The following PGAP1 variants were observed in gnomAD, a reference collection of about 807,000 sequenced individuals.
PGAP1 encodes GPI inositol-deacylase.
Under a neutral mutation model 127.0 loss-of-function variants are expected in PGAP1, and 76 were observed. That is an observed-to-expected ratio of 0.60 (90% CI 0.50 to 0.72). The LOEUF is 0.72. PGAP1 is among the 30% of genes least tolerant of loss of function. The probability of loss-of-function intolerance (pLI) is 0.00; values close to 1 mark genes in which losing one functional copy is unlikely to be tolerated. For synonymous variants in PGAP1, 362 were observed against 366.5 expected (o/e 0.99, Z 0.14); for missense variants, 982 against 1,071.3 (o/e 0.92, Z 1.16).
intron 20 of PGAP1, among the ~76,000 whole-genome samples, chr2:196,863,065 TA>T (rs1345994206): frequency 1.3e-5 from 2 of 151,938 alleles, no homozygotes; most frequent in African/African-American, 4.8e-5. Context: ...AGACAAAAAA[TA>T]ACAAGTGATA....
intron 10 of PGAP1, among the ~76,000 whole-genome samples, chr2:196,889,908 T>C (rs1042548513): frequency 6.8e-6 from 1 of 147,140 alleles, no homozygotes; most frequent in African/African-American, 2.5e-5. Flanking sequence ...GAAATGTAGA[T>C]AAATTATTGA....
intron 9 of PGAP1, among the ~76,000 whole-genome samples, 195 bp downstream of exon 9, chr2:196,892,151 C>T (rs1484505142): frequency 2.0e-5 from 3 of 151,554 alleles, no homozygotes; most frequent in Non-Finnish European, 2.9e-5. Flanking sequence ...ACAAACTGAA[C>T]GTCAAAGAAA....
At chr2:196,880,909 T>G (rs1293406266) in intron 12 of PGAP1, among the ~76,000 whole-genome samples, 1 of 152,178 alleles carries the variant, frequency 6.6e-6, no homozygotes, top group Non-Finnish European at 1.5e-5. Flanking sequence ...ATGTGCAAAT[T>G]TGTTACACAG....
chr2:196,856,887 A>C (rs1700901717), intron 20 of PGAP1, among the ~76,000 whole-genome samples: 1 of 152,136 alleles, frequency 6.6e-6, no homozygotes, highest in Non-Finnish European at 1.5e-5. Flanking sequence ...TCCCCTTTTT[A>C]AACTTTGTTT....
intron 4 of PGAP1, among the ~76,000 whole-genome samples, chr2:196,904,717 A>G (rs1010025547): frequency 6.6e-6 from 1 of 151,952 alleles, no homozygotes; most frequent in African/African-American, 2.4e-5. Context: ...ACAGAGCGTG[A>G]CTGTCTCAAA....
At position 196,898,441 on chromosome 2, in the gene PGAP1, A is replaced by G. The variant is rs1702360753; in HGVS notation, c.808-72T>C. 4.8e-6 allele frequency: 5 copies of G among 1,037,120 alleles called. No homozygotes were observed. The East Asian group carries it at 9.6e-5, about 20-fold the overall frequency. 64.2% of individuals were successfully genotyped at this position (1,037,120 alleles called of 1,614,324 possible). On this transcript the variant is annotated intron_variant, in intron 5 of 26. Coordinates refer to ENST00000354764, the MANE Select transcript of PGAP1 (RefSeq NM_024989.4). Reference sequence around the variant, plus strand: ...TCTCTAAAAGGTATGAAATTCTTACAAGCTAATATTTAGAAACACATAATA... The same window carrying G: ...TCTCTAAAAGGTATGAAATTCTTACGAGCTAATATTTAGAAACACATAATA...
At chr2:196,898,230 A>AG in intron 6 of PGAP1, 87 bp downstream of exon 6, 1 of 980,796 alleles carries the variant, frequency 1.0e-6, no homozygotes, top group Non-Finnish European at 1.6e-6. Flanking sequence ...AAAAAAAAAA[A>AG]AGTTAACAAG....
chr2:196,880,937 G>T (rs1286382905), intron 12 of PGAP1, among the ~76,000 whole-genome samples: 1 of 151,986 alleles, frequency 6.6e-6, no homozygotes, highest in Non-Finnish European at 1.5e-5. Flanking sequence ...TGTGTCATGG[G>T]GGTTTGTTGT....
At chr2:196,902,239 T>C (rs1377907219) in intron 5 of PGAP1, among the ~76,000 whole-genome samples, 1 of 152,146 alleles carries the variant, frequency 6.6e-6, no homozygotes, top group East Asian at 1.9e-4. Context: ...GGTCTCCCTA[T>C]GTTGCCTAGG....
At chr2:196,912,078 G>A (rs1702841216) in intron 4 of PGAP1, among the ~76,000 whole-genome samples, 1 of 152,036 alleles carries the variant, frequency 6.6e-6, no homozygotes, top group African/African-American at 2.4e-5. Context: ...GATAATAATG[G>A]TGCCTACCTC....
Position 196,886,386 on chromosome 2 carries a change from C to T in PGAP1, c.1174-506G>A, listed in dbSNP as rs570017249. Among the ~76,000 whole-genome samples the T allele has an allele frequency of 2.1e-3, 316 of 152,026 alleles. 2 individuals carry two copies. The highest frequency in any genetic ancestry group is 7.1e-3 in the African/African-American group (296 of 41,480). ...ATGTTGGCCAGGCTGGTCTTGAACTCCTGACCTCAAGTGATCTGCCCGCCT... is the reference window on the plus strand; with the variant it reads ...ATGTTGGCCAGGCTGGTCTTGAACTTCTGACCTCAAGTGATCTGCCCGCCT... On this transcript the variant is annotated intron_variant, in intron 10 of 26. Transcript: ENST00000354764.
intron 2 of PGAP1, among the ~76,000 whole-genome samples, chr2:196,919,613 T>C (rs1338023165): frequency 1.3e-5 from 2 of 152,176 alleles, no homozygotes; most frequent in African/African-American, 2.4e-5. Flanking sequence ...CGAATCTCTC[T>C]TGTTCTGCAT....
intron 12 of PGAP1, among the ~76,000 whole-genome samples, chr2:196,883,820 A>G (rs1314938993): frequency 2.6e-5 from 4 of 152,238 alleles, no homozygotes; most frequent in African/African-American, 7.2e-5. Flanking sequence ...AATGGCTAAT[A>G]CATATTACAT....
At chr2:196,923,749 CT>C (rs1409834962) in intron 1 of PGAP1, among the ~76,000 whole-genome samples, 3 of 152,014 alleles carry the variant, frequency 2.0e-5, no homozygotes, top group Non-Finnish European at 4.4e-5. Context: ...CAACCTCCGC[CT>C]CCCTGGTTCA....
At chr2:196,847,589 C>A (rs1700595527) in intron 21 of PGAP1, 1 of 190,824 alleles carries the variant, frequency 5.2e-6, no homozygotes, top group African/African-American at 2.4e-5. Flanking sequence ...GTAGAGAGGT[C>A]TAAAATATAC....
chr2:196,898,244 A>G (rs1702350400), intron 6 of PGAP1, 73 bp downstream of exon 6: 1 of 1,080,168 alleles, frequency 9.3e-7, no homozygotes. Context: ...TAACAAGCCA[A>G]TTAAATTACT....
At chr2:196,913,172 C>T in intron 3 of PGAP1, 119 bp from the exon 4 acceptor site, 1 of 844,684 alleles carries the variant, frequency 1.2e-6, no homozygotes, top group Non-Finnish European at 1.8e-6. Flanking sequence ...ATTTATATAA[C>T]CTCCCATCAT....
chr2:196,895,355 C>T (rs377336286), intron 7 of PGAP1, among the ~76,000 whole-genome samples: 24 of 152,078 alleles, frequency 1.6e-4, no homozygotes, highest in African/African-American at 4.6e-4. Context: ...CTTCACCAGT[C>T]GGAATAAGGT....
rs530238278 is a variant in PGAP1 at position 196,838,540 on chromosome 2, G to C, written c.*2694C>G. On this transcript the variant is annotated 3_prime_UTR_variant, in exon 27 of 27. Coordinates refer to ENST00000354764, the MANE Select transcript of PGAP1 (RefSeq NM_024989.4). ...GACTCAATGAAGACCCTGTCAAAAT[G>C]TAAGTGTATACATATGTGTCTGTAT... 5 of 152,316 alleles carry C rather than the reference G, an allele frequency of 3.3e-5. No homozygotes were observed. Among genetic ancestry groups the C allele is most frequent in the Middle Eastern group, 3.4e-3 (1 of 294 alleles). The allele number at this position is 152,316 out of a possible 1,614,324, so 9.4% of individuals were successfully genotyped here.
Sources: gnomAD v4.1 joint callset for allele counts (sites outside exome capture counted in the v4.1 genomes callset) on GRCh38, gnomAD v4.1.1 for gene constraint, MANE v1.5 for transcripts, NCBI Gene and HGNC (gene_info 2026-07-23, HGNC 2026-07-21) for gene names.